Variants in TMTC1 observed in about 807,000 individuals in gnomAD.
TMTC1 encodes protein O-mannosyl-transferase TMTC1.
A neutral mutation model predicts 104.8 loss-of-function variants in TMTC1; 73 were observed. That is an observed-to-expected ratio of 0.70 (90% CI 0.58 to 0.85). The LOEUF (loss-of-function observed/expected upper bound fraction) is 0.85, where lower values mean the gene tolerates loss of function less well. Among genes scored for constraint, TMTC1 ranks in the 40% least tolerant of loss-of-function variants. The pLI, the probability that TMTC1 is intolerant of heterozygous loss-of-function variation, is 0.00. For synonymous variants in TMTC1, 434 were observed against 428.7 expected (o/e 1.01, Z -0.15); for missense variants, 1,035 against 1,096.1 (o/e 0.94, Z 0.79).
chr12:29,623,825 A>AAATAAATTAAAT, intron 6 of TMTC1, among the ~76,000 whole-genome samples: 2 of 148,928 alleles, frequency 1.3e-5, no homozygotes, highest in African/African-American at 5.2e-5. Context: ...AAATAAATAA[A>AAATAAATTAAAT]TAAATTAAAT....
intron 5 of TMTC1, among the ~76,000 whole-genome samples, chr12:29,641,742 G>T (rs1938866181): frequency 6.6e-6 from 1 of 151,998 alleles, no homozygotes; most frequent in Non-Finnish European, 1.5e-5. Context: ...AAACCAAGAA[G>T]AAATCCCTGA....
intron 5 of TMTC1, among the ~76,000 whole-genome samples, chr12:29,650,054 C>T (rs1313675274): frequency 6.6e-6 from 1 of 151,574 alleles, no homozygotes; most frequent in Non-Finnish European, 1.5e-5. Context: ...AGAGCATCTT[C>T]TTACTTAACT....
intron 5 of TMTC1, among the ~76,000 whole-genome samples, chr12:29,652,912 A>AT (rs1282738823): frequency 1.3e-5 from 2 of 152,108 alleles, no homozygotes; most frequent in African/African-American, 2.4e-5. Context: ...AAATACAAAA[A>AT]TTAGCTGGGT....
intron 5 of TMTC1, among the ~76,000 whole-genome samples, chr12:29,673,744 C>CTTTTTTTT (rs146463669): frequency 2.1e-4 from 20 of 95,734 alleles, no homozygotes; most frequent in South Asian, 3.9e-4. Context: ...AGAGGGACTT[C>CTTTTTTTT]TTTTTTTTTT....
At chr12:29,757,355 C>A (rs1363612029) in intron 3 of TMTC1, among the ~76,000 whole-genome samples, 3 of 152,166 alleles carry the variant, frequency 2.0e-5, no homozygotes, top group Non-Finnish European at 4.4e-5. Context: ...TCTGCAACAT[C>A]TTTGGCTTCT....
chr12:29,662,891 G>A (rs1555183932), intron 5 of TMTC1, among the ~76,000 whole-genome samples: 1 of 152,126 alleles, frequency 6.6e-6, no homozygotes, highest in Non-Finnish European at 1.5e-5. Context: ...ACAAAAGAGA[G>A]TTGGCTTTTA....
intron 1 of TMTC1, among the ~76,000 whole-genome samples, chr12:29,776,134 G>A (rs1403265943): frequency 6.6e-6 from 1 of 152,196 alleles, no homozygotes; most frequent in Non-Finnish European, 1.5e-5. Context: ...TTGGAGTGTA[G>A]TGAGAACCCC....
chr12:29,707,006 C>G (rs1365702403), intron 5 of TMTC1, among the ~76,000 whole-genome samples: 1 of 152,200 alleles, frequency 6.6e-6, no homozygotes, highest in East Asian at 1.9e-4. Context: ...TAACAGTGTT[C>G]CAACCCTGAA....
At chr12:29,514,382 C>A in intron 16 of TMTC1, 100 bp downstream of exon 16, 1 of 1,251,836 alleles carries the variant, frequency 8.0e-7, no homozygotes, top group Non-Finnish European at 1.1e-6. Context: ...ACATACATGC[C>A]AGTGATCTTA....
chr12:29,718,703 G>T (rs567299767), intron 5 of TMTC1, among the ~76,000 whole-genome samples: 1 of 152,162 alleles, frequency 6.6e-6, no homozygotes, highest in Admixed American at 6.5e-5. Context: ...GGAGGCTGAG[G>T]TGGGTGGATC....
Position 29,556,961 on chromosome 12 carries a change from T to A in TMTC1, c.1572A>T (p.Gly524=). ...PRHASALNNL[G]TLTRDTAEAK... is the part of the protein sequence containing the mutation. ...CCTCTGCTGTGTCTCTCGTCAGTGT[T>A]CCAAGGTTGTTGAGCGCACTTGCAT... The change falls in exon 10 of 18, where the codon GGA becomes GGT. Residue 524 remains glycine (G), a synonymous_variant. Transcript: ENST00000539277. 1 of 1,614,208 alleles carries A rather than the reference T, an allele frequency of 6.2e-7. No individual in the cohort carries two copies. The highest frequency in any genetic ancestry group is 2.2e-5 in the East Asian group (1 of 44,892).
chr12:29,679,745 G>C (rs972702831), intron 5 of TMTC1, among the ~76,000 whole-genome samples: 1 of 152,020 alleles, frequency 6.6e-6, no homozygotes, highest in Non-Finnish European at 1.5e-5. Flanking sequence ...AAAGAAGAAA[G>C]GGTAACCTAT....
At chr12:29,674,464 A>G (rs1940645600) in intron 5 of TMTC1, among the ~76,000 whole-genome samples, 1 of 152,238 alleles carries the variant, frequency 6.6e-6, no homozygotes, top group Non-Finnish European at 1.5e-5. Context: ...TAGGATTAGT[A>G]GAGGAAAAGA....
At chr12:29,721,493 A>G (rs1942236400) in intron 5 of TMTC1, among the ~76,000 whole-genome samples, 1 of 152,180 alleles carries the variant, frequency 6.6e-6, no homozygotes, top group Admixed American at 6.5e-5. Context: ...CACCAAAAAG[A>G]TATTATATTT....
In TMTC1 at chr12:29,657,029, G is replaced by A. The variant is rs1354962240; in HGVS notation, c.939-23693C>T. ...ACATGAGATAGGAATAAAATAATTG[G>A]TTGGTGAGTTGACAGCAGTATGTTC... On this transcript the variant is annotated intron_variant, in intron 5 of 17. Transcript: ENST00000539277. Among the ~76,000 whole-genome samples, 3 of 152,186 alleles carry A rather than the reference G, an allele frequency of 2.0e-5. No individual in the cohort carries two copies. The East Asian group carries it at 5.8e-4, about 29-fold the overall frequency.
At chr12:29,586,135 T>G (rs1946127131) in intron 7 of TMTC1, among the ~76,000 whole-genome samples, 2 of 152,212 alleles carry the variant, frequency 1.3e-5, no homozygotes, top group Admixed American at 6.5e-5. Context: ...TTTGTAGTTC[T>G]CCTTGATGAG....
intron 7 of TMTC1, among the ~76,000 whole-genome samples, chr12:29,601,947 T>C (rs1331033306): frequency 6.7e-6 from 1 of 149,764 alleles, no homozygotes; most frequent in Non-Finnish European, 1.5e-5. Context: ...ACCATTCTCC[T>C]TCCTCAGCCT....
At chr12:29,555,369 G>A (rs1355796232) in intron 10 of TMTC1, among the ~76,000 whole-genome samples, 1 of 151,360 alleles carries the variant, frequency 6.6e-6, no homozygotes, top group African/African-American at 2.4e-5. Flanking sequence ...TACTTGTGCA[G>A]AACATGCAGG....
intron 5 of TMTC1, among the ~76,000 whole-genome samples, chr12:29,662,047 T>TA (rs1271043859): frequency 6.6e-6 from 1 of 152,130 alleles, no homozygotes; most frequent in African/African-American, 2.4e-5. Flanking sequence ...AAATAAGTCA[T>TA]AAGTCATTTT....
Sources: gnomAD v4.1 joint callset for allele counts (sites outside exome capture counted in the v4.1 genomes callset) on GRCh38, gnomAD v4.1.1 for gene constraint, MANE v1.5 for transcripts, NCBI Gene and HGNC (gene_info 2026-07-23, HGNC 2026-07-21) for gene names.